Variants in BCL2 observed in about 807,000 individuals in gnomAD.
The protein encoded by BCL2 is BCL2 apoptosis regulator, also known as apoptosis regulator Bcl-2.
Under a neutral mutation model 14.2 loss-of-function variants are expected in BCL2, and 1 was observed. The ratio of observed to expected loss-of-function variants is 0.07; its 90% CI spans 0.02 to 0.33. The LOEUF is 0.33. Ranked by LOEUF, BCL2 falls within the 10% of genes least tolerant of loss-of-function variation. The pLI is 0.99. For synonymous variants in BCL2, 151 were observed against 137.2 expected (o/e 1.10, Z -0.70); for missense variants, 247 against 305.9 (o/e 0.81, Z 1.44).
At chr18:63,201,829 G>T (rs772868399) in intron 2 of BCL2, among the ~76,000 whole-genome samples, 1 of 152,060 alleles carries the variant, frequency 6.6e-6, no homozygotes. Flanking sequence ...GGCCTGTTAG[G>T]GGGTGGGGGT....
chr18:63,179,535 C>T (rs142545717), intron 2 of BCL2, among the ~76,000 whole-genome samples: 6 of 151,076 alleles, frequency 4.0e-5, no homozygotes, highest in Middle Eastern at 3.4e-3. Context: ...GGAAAGGTAA[C>T]GATACCAAAG....
intron 2 of BCL2, among the ~76,000 whole-genome samples, chr18:63,160,202 T>G (rs1445447428): frequency 6.6e-6 from 1 of 152,234 alleles, no homozygotes; most frequent in Non-Finnish European, 1.5e-5. Context: ...GAAGAAAGCC[T>G]AATCATTAAT....
intron 2 of BCL2, among the ~76,000 whole-genome samples, chr18:63,230,298 T>C (rs1022956294): frequency 1.3e-5 from 2 of 152,162 alleles, no homozygotes; most frequent in Non-Finnish European, 2.9e-5. Flanking sequence ...AAGTAAAACA[T>C]ATTTAGGACT....
chr18:63,138,029 GAATC>G (rs1467074036), intron 2 of BCL2, among the ~76,000 whole-genome samples: 10 of 152,232 alleles, frequency 6.6e-5, no homozygotes, highest in Non-Finnish European at 1.3e-4. Flanking sequence ...CGGCCACACA[GAATC>G]TATGACATGC....
chr18:63,256,869 C>T (rs1251838479), intron 2 of BCL2, among the ~76,000 whole-genome samples: 1 of 152,140 alleles, frequency 6.6e-6, no homozygotes, highest in Non-Finnish European at 1.5e-5. Flanking sequence ...CTATTAAAAC[C>T]AGACACATGG....
At chr18:63,218,751 C>CACTCATCCCCATCCTCT (rs1555701010) in intron 2 of BCL2, among the ~76,000 whole-genome samples, 25,247 of 33,812 alleles carry the variant, frequency 0.75, 11,888 homozygotes, top group Non-Finnish European at 0.89. Context: ...CTCCATCCTC[C>CACTCATCCCCATCCTCT]ACTCATCCCC....
At chr18:63,169,389 T>TTCTTTC (rs1218834455) in intron 2 of BCL2, among the ~76,000 whole-genome samples, 13 of 40,798 alleles carry the variant, frequency 3.2e-4, no homozygotes, top group East Asian at 2.1e-3. Flanking sequence ...CTTTCTTTCT[T>TTCTTTC]TTTCTTTCTT....
At chr18:63,231,854 G>A (rs927126888) in intron 2 of BCL2, among the ~76,000 whole-genome samples, 6 of 151,926 alleles carry the variant, frequency 3.9e-5, no homozygotes, top group African/African-American at 1.4e-4. Context: ...TAAAATTGTG[G>A]TCCAAAAGCA....
intron 2 of BCL2, among the ~76,000 whole-genome samples, chr18:63,306,289 C>T (rs192395656): frequency 6.6e-6 from 1 of 152,276 alleles, no homozygotes; most frequent in East Asian, 1.9e-4. Context: ...AATTTCTTGC[C>T]GTTCCCACTA....
chr18:63,295,053 T>C (rs1468363906), intron 2 of BCL2, among the ~76,000 whole-genome samples: 1 of 150,722 alleles, frequency 6.6e-6, no homozygotes, highest in African/African-American at 2.4e-5. Flanking sequence ...TAGTCCCAGC[T>C]ACTCAGGAGG....
intron 2 of BCL2, among the ~76,000 whole-genome samples, chr18:63,218,085 G>A (rs1033371587): frequency 6.6e-6 from 1 of 152,196 alleles, no homozygotes; most frequent in African/African-American, 2.4e-5. Context: ...CTCTTTCTCT[G>A]CATCGGTGGT....
At chr18:63,198,205 CACAG>C (rs1909504547) in intron 2 of BCL2, among the ~76,000 whole-genome samples, 1 of 151,660 alleles carries the variant, frequency 6.6e-6, no homozygotes, top group Non-Finnish European at 1.5e-5. Context: ...CAGAGACACA[CACAG>C]ACACACACAA....
chr18:63,154,194 T>A (rs987752091), intron 2 of BCL2, among the ~76,000 whole-genome samples: 11 of 152,118 alleles, frequency 7.2e-5, no homozygotes, highest in African/African-American at 2.7e-4. Flanking sequence ...CTCCCTCTTC[T>A]TTTCCTATGG....
chr18:63,126,422 T>C lies in BCL2; in HGVS notation c.*2203A>G, dbSNP rs4987853. On this transcript the variant is annotated 3_prime_UTR_variant, in exon 3 of 3. Transcript: ENST00000333681. ...CATAGATTTGAATCTGCTGGTCATT[T>C]GCCATCTGGATTTTTAACTGAATGA... The C allele has an allele frequency of 0.21, 48,063 of 225,478 alleles. 6,116 individuals carry two copies. Among genetic ancestry groups the C allele is most frequent in the African/African-American group, 0.36 (16,363 of 44,900 alleles). 14.0% of individuals were successfully genotyped at this position (225,478 alleles called of 1,614,324 possible).
Position 63,149,104 on chromosome 18 carries a change from G to T in BCL2, c.586-20345C>A, listed in dbSNP as rs116209912. Among the ~76,000 whole-genome samples the T allele has an allele frequency of 6.6e-6, 1 of 152,136 alleles. No homozygotes were observed. The highest frequency in any genetic ancestry group is 2.4e-5 in the African/African-American group (1 of 41,424). On this transcript the variant is annotated intron_variant, in intron 2 of 2. Coordinates refer to ENST00000333681, the MANE Select transcript of BCL2 (RefSeq NM_000633.3). This position sits in a 1 kb window ranked among gnomAD's most constrained non-coding sequence, Gnocchi z 4.2. ...CTGACACCTCTGTCTCTTTGATAAC[G>T]TTTACATTATGAGAAAAGAATCAAG...
intron 2 of BCL2, among the ~76,000 whole-genome samples, chr18:63,237,363 T>C (rs1241752590): frequency 6.6e-6 from 1 of 152,122 alleles, no homozygotes; most frequent in Non-Finnish European, 1.5e-5. Context: ...TGTTAAATAA[T>C]AGGGCGGATG....
chr18:63,204,252 T>C (rs552749713), intron 2 of BCL2, among the ~76,000 whole-genome samples: 7 of 152,224 alleles, frequency 4.6e-5, no homozygotes, highest in South Asian at 4.1e-4. Flanking sequence ...TAGTAAATAG[T>C]TACATAATGA....
intron 2 of BCL2, among the ~76,000 whole-genome samples, chr18:63,140,284 T>C (rs1914320988): frequency 6.6e-6 from 1 of 152,224 alleles, no homozygotes; most frequent in Non-Finnish European, 1.5e-5. Context: ...GACCCAGCAA[T>C]TCAACTCCTA....
intron 2 of BCL2, among the ~76,000 whole-genome samples, chr18:63,174,333 C>T (rs533186484): frequency 4.6e-5 from 7 of 152,134 alleles, no homozygotes; most frequent in South Asian, 2.1e-4. Context: ...ATTTCTAGTA[C>T]GCATGGACGG....
Sources: allele counts gnomAD v4.1 joint callset (sites outside exome capture counted in the v4.1 genomes callset), GRCh38; gene constraint gnomAD v4.1.1; non-coding constraint Gnocchi (gnomAD v3.1); transcripts MANE v1.5; gene names NCBI Gene and HGNC (gene_info 2026-07-23, HGNC 2026-07-21).